Variants in PCDH9 observed in about 807,000 individuals in gnomAD.
The protein encoded by PCDH9 is protocadherin 9.
PCDH9 carries 24 observed loss-of-function variants against 70.6 expected under a neutral mutation model. The observed-to-expected ratio is 0.34, with a 90% CI of 0.25 to 0.48. The LOEUF (loss-of-function observed/expected upper bound fraction) is 0.48, where lower values mean the gene tolerates loss of function less well. PCDH9 is among the 20% of genes least tolerant of loss of function. The pLI, the probability that PCDH9 is intolerant of heterozygous loss-of-function variation, is 0.99. For synonymous variants in PCDH9, 562 were observed against 558.5 expected, an observed-to-expected ratio of 1.01 and a Z score of -0.09; for missense variants, 1,281 against 1,503.6, an observed-to-expected ratio of 0.85 and a Z score of 2.45.
chr13:66,864,844 G>A (rs1594171419), intron 3 of PCDH9, among the ~76,000 whole-genome samples: 1 of 152,326 alleles, frequency 6.6e-6, no homozygotes, highest in South Asian at 2.1e-4. Flanking sequence ...AAGCTGACCA[G>A]TTGCCTGGAA....
intron 3 of PCDH9, among the ~76,000 whole-genome samples, chr13:66,853,643 G>A (rs534070773): frequency 1.3e-5 from 2 of 152,214 alleles, no homozygotes; most frequent in Admixed American, 1.3e-4. Flanking sequence ...GGGCTTAGAG[G>A]GGCTGGTTTA....
At chr13:66,398,612 C>T (rs149541567) in intron 4 of PCDH9, among the ~76,000 whole-genome samples, 14 of 152,168 alleles carry the variant, frequency 9.2e-5, no homozygotes, top group African/African-American at 2.6e-4. Flanking sequence ...GGAATTAACA[C>T]GTATAATTTT....
chr13:66,545,809 C>CTTTA (rs201921351), intron 4 of PCDH9, among the ~76,000 whole-genome samples: 2 of 143,404 alleles, frequency 1.4e-5, no homozygotes, highest in Non-Finnish European at 3.1e-5. Context: ...TTTTATTTTA[C>CTTTA]TTTATTTTAT....
chr13:67,194,586 C>A (rs1413753175), intron 2 of PCDH9, among the ~76,000 whole-genome samples: 2 of 152,022 alleles, frequency 1.3e-5, no homozygotes, highest in Admixed American at 1.3e-4. Flanking sequence ...AAATAAAAGT[C>A]GGATCATGTG....
Position 67,011,192 on chromosome 13 carries a change from G to A in PCDH9, c.3037-107587C>T, listed in dbSNP as rs146292494. On this transcript the variant is annotated intron_variant, in intron 2 of 4. Transcript: ENST00000377865. ...AAAGTAATGTCAAATATTTACTTAC[G>A]GAACTGTCACCCCCCCAGTACTTAT... is the stretch of plus-strand genomic sequence containing the variant. 3.9e-3 allele frequency among the ~76,000 whole-genome samples: 586 copies of A among 151,472 alleles called. 2 individuals carry two copies. Among genetic ancestry groups the A allele is most frequent in the African/African-American group, 0.013 (549 of 41,362 alleles).
intron 3 of PCDH9, among the ~76,000 whole-genome samples, chr13:66,891,098 C>T (rs558791240): frequency 1.9e-4 from 29 of 152,016 alleles, no homozygotes; most frequent in Middle Eastern, 3.4e-3. Context: ...CCACTTAGCA[C>T]GATAGTGTTG....
chr13:67,143,362 T>C (rs2087443537), intron 2 of PCDH9, among the ~76,000 whole-genome samples: 1 of 152,166 alleles, frequency 6.6e-6, no homozygotes, highest in Non-Finnish European at 1.5e-5. Flanking sequence ...TTAAGTTTGG[T>C]GTGCTCCAGG....
chr13:66,654,673 GACAA>G (rs1322633601), intron 3 of PCDH9, among the ~76,000 whole-genome samples: 2 of 151,974 alleles, frequency 1.3e-5, no homozygotes, highest in African/African-American at 2.4e-5. Context: ...TAGAAAAAAA[GACAA>G]ACAGATATAC....
intron 2 of PCDH9, among the ~76,000 whole-genome samples, chr13:67,119,141 G>T (rs186854264): frequency 6.6e-6 from 1 of 152,206 alleles, no homozygotes; most frequent in East Asian, 1.9e-4. Flanking sequence ...AATCTATTAT[G>T]GGCCTAAAGC....
intron 3 of PCDH9, among the ~76,000 whole-genome samples, chr13:66,754,985 T>C (rs770637477): frequency 6.6e-6 from 1 of 152,220 alleles, no homozygotes; most frequent in Non-Finnish European, 1.5e-5. Context: ...CAATGTGGAA[T>C]GAATTTGAGA....
At chr13:67,078,701 C>T (rs570863582) in intron 2 of PCDH9, among the ~76,000 whole-genome samples, 62 of 152,204 alleles carry the variant, frequency 4.1e-4, no homozygotes, top group Non-Finnish European at 7.5e-4. Flanking sequence ...TCCATGACCC[C>T]ACTGGACTTT....
chr13:66,554,218 A>G lies in PCDH9; in HGVS notation c.3340+76992T>C, dbSNP rs1257538519. ...TCTAACCATCTAAAAAAAATCCTTT[A>G]ACCCCTAAAAGTAAGTTTGTTAAAA... is the stretch of plus-strand genomic sequence containing the variant. On this transcript the variant is annotated intron_variant, in intron 4 of 4. Transcript: ENST00000377865. Among the ~76,000 whole-genome samples the G allele has an allele frequency of 2.0e-5, 3 of 152,182 alleles. No individual in the cohort carries two copies. The East Asian group carries it at 5.8e-4, about 29-fold the overall frequency.
chr13:66,515,697 A>G (rs1593606492), intron 4 of PCDH9, among the ~76,000 whole-genome samples: 1 of 152,110 alleles, frequency 6.6e-6, no homozygotes, highest in East Asian at 1.9e-4. Context: ...AAAAGGAAAA[A>G]CAGAACATAC....
chr13:66,862,151 C>T (rs1186001284), intron 3 of PCDH9, among the ~76,000 whole-genome samples: 1 of 152,128 alleles, frequency 6.6e-6, no homozygotes, highest in Non-Finnish European at 1.5e-5. Flanking sequence ...GCTTTGTAGT[C>T]ATTTAAATAA....
At chr13:66,364,565 T>A (rs957305961) in intron 4 of PCDH9, among the ~76,000 whole-genome samples, 10 of 152,166 alleles carry the variant, frequency 6.6e-5, no homozygotes, top group African/African-American at 2.4e-4. Flanking sequence ...TTGGAATATA[T>A]GTGGAAATGA....
At chr13:66,779,845 C>CTATATATATA (rs1395028159) in intron 3 of PCDH9, among the ~76,000 whole-genome samples, 343 of 42,428 alleles carry the variant, frequency 8.1e-3, no homozygotes, top group South Asian at 0.015. Context: ...CTCTCTCTCT[C>CTATATATATA]TCTCTATATA....
At chr13:66,938,463 G>T (rs987022462) in intron 2 of PCDH9, among the ~76,000 whole-genome samples, 1 of 152,132 alleles carries the variant, frequency 6.6e-6, no homozygotes, top group Admixed American at 6.5e-5. Context: ...TGTGAATGGG[G>T]GATGTGGACT....
rs932854094 is a variant in PCDH9 at position 67,063,080 on chromosome 13, G to A, written c.3037-159475C>T. Among the ~76,000 whole-genome samples, 6 of 152,226 alleles carry A rather than the reference G, an allele frequency of 3.9e-5. No individual in the cohort carries two copies. The East Asian group carries it at 1.2e-3, about 29-fold the overall frequency. On this transcript the variant is annotated intron_variant, in intron 2 of 4. Transcript: ENST00000377865. ...TTCTTAATGGTTTAAAGCAAACAAGGTGTATTTCTTACTCATACTACAAGT... is the reference window on the plus strand; with the variant it reads ...TTCTTAATGGTTTAAAGCAAACAAGATGTATTTCTTACTCATACTACAAGT...
Position 66,954,236 on chromosome 13 carries a change from T to C in PCDH9, c.3037-50631A>G, listed in dbSNP as rs74862598. 3.1e-3 allele frequency among the ~76,000 whole-genome samples: 477 copies of C among 152,340 alleles called. 5 individuals carry two copies. The highest frequency in any genetic ancestry group is 0.011 in the African/African-American group (461 of 41,564). The stretch of plus-strand genomic sequence containing the variant: ...TTATAATGCTCTCTCTTTATATATG[T>C]ATTTGTGTGTACCATATGTATAAAT... On this transcript the variant is annotated intron_variant, in intron 2 of 4. Coordinates refer to ENST00000377865, the MANE Select transcript of PCDH9 (RefSeq NM_203487.3).
Sources: gnomAD v4.1 joint callset for allele counts (sites outside exome capture counted in the v4.1 genomes callset) on GRCh38, gnomAD v4.1.1 for gene constraint, MANE v1.5 for transcripts, NCBI Gene and HGNC (gene_info 2026-07-23, HGNC 2026-07-21) for gene names.